Variants in PCNX3 observed in about 807,000 individuals in gnomAD.
PCNX3 encodes pecanex 3, also known as pecanex-like protein 3.
A neutral mutation model predicts 207.2 loss-of-function variants in PCNX3; 58 were observed. That is an observed-to-expected ratio of 0.28 (90% CI 0.23 to 0.35). PCNX3 has a LOEUF of 0.35. Among genes scored for constraint, PCNX3 ranks in the 10% least tolerant of loss-of-function variants. The pLI, the probability that PCNX3 is intolerant of heterozygous loss-of-function variation, is 1.00. For synonymous variants in PCNX3, 1,337 were observed against 1,183.5 expected (o/e 1.13, Z -2.66); for missense variants, 2,410 against 2,774.4 (o/e 0.87, Z 2.95).
chr11:65,620,314 C>A, intron 8 of PCNX3, 25 bp from the exon 9 acceptor site: 1 of 1,600,930 alleles, frequency 6.2e-7, no homozygotes, highest in Non-Finnish European at 8.5e-7. Context: ...TGCCACGCTG[C>A]CTCATCTCCC....
chr11:65,617,089 C>G, intron 2 of PCNX3, 78 bp downstream of exon 2: 1 of 1,457,234 alleles, frequency 6.9e-7, no homozygotes, highest in Non-Finnish European at 9.3e-7. Flanking sequence ...GGAGTAGGGG[C>G]TTAGGGAACA....
At chr11:65,627,662 T>G in intron 22 of PCNX3, 80 bp downstream of exon 22, 1 of 1,520,946 alleles carries the variant, frequency 6.6e-7, no homozygotes, top group Non-Finnish European at 9.0e-7. Context: ...GAAGAGAATT[T>G]CCTGAGGGCC....
chr11:65,635,023 G>C lies in PCNX3; in HGVS notation c.4856G>C (p.Arg1619Pro). The change falls in exon 30 of 35, where the codon CGC becomes CCC. Residue 1619 changes from arginine (R) to proline (P), a missense_variant. Coordinates refer to ENST00000355703, the MANE Select transcript of PCNX3 (RefSeq NM_032223.4). The surrounding 1 kb of genome is among the most constrained non-coding windows in gnomAD (Gnocchi z 9.9). ...GLHALFKGDF[R>P]ITSPRDEWVF... ...CACGCCCTGTTCAAGGGGGATTTTCGCATCACCTCCCCACGTGACGAGTGG... is the reference window on the plus strand; with the variant it reads ...CACGCCCTGTTCAAGGGGGATTTTCCCATCACCTCCCCACGTGACGAGTGG... 1 of 1,613,782 alleles carries C rather than the reference G, an allele frequency of 6.2e-7. No individual in the cohort carries two copies. Among genetic ancestry groups the C allele is most frequent in the Non-Finnish European group, 8.5e-7 (1 of 1,179,848 alleles).
At chr11:65,616,495 C>T (rs749049908) in intron 1 of PCNX3, 31 bp downstream of exon 1, 2 of 1,584,112 alleles carry the variant, frequency 1.3e-6, no homozygotes, top group Non-Finnish European at 8.6e-7. Context: ...GTAACTCCAG[C>T]CGGGAGAGGG....
At position 65,617,222 on chromosome 11, in the gene PCNX3, C is replaced by T. The variant is rs368418431; in HGVS notation, c.342-28C>T. The stretch of plus-strand genomic sequence containing the variant: ...AGCATACACAGAGGAGAGGTTAGCT[C>T]AAAGCTGCTGCTCTTTTTCACCGCC... On this transcript the variant is annotated intron_variant, in intron 2 of 34. Coordinates refer to ENST00000355703, the MANE Select transcript of PCNX3 (RefSeq NM_032223.4). 454 of 1,572,310 alleles carry T rather than the reference C, an allele frequency of 2.9e-4. 6 individuals are homozygous for T. The highest frequency in any genetic ancestry group is 2.1e-3 in the Middle Eastern group (11 of 5,290).
At position 65,618,934 on chromosome 11, in the gene PCNX3, G is replaced by T. The variant is rs767423997; in HGVS notation, c.1572G>T (p.Glu524Asp). Residue 524 changes from glutamate (E) to aspartate (D), a missense_variant, in exon 6 of 35, where the codon GAG becomes GAT. By Grantham distance (45) the Glu-to-Asp change is conservative. Transcript: ENST00000355703. ...CCCCACTGGCTGGCTGCAAGGCAGA[G>T]CTGGAGGCCCAGGTTGGGGTGGAGC... ...LRPPLAGCKA[E>D]LEAQVGVEQA... The T allele has an allele frequency of 6.2e-7, 1 of 1,606,920 alleles. No homozygotes were observed. Among genetic ancestry groups the T allele is most frequent in the South Asian group, 1.1e-5 (1 of 90,310 alleles).
At chr11:65,617,729 A>T (rs370244649) in intron 5 of PCNX3, 23 bp downstream of exon 5, 2 of 1,551,024 alleles carry the variant, frequency 1.3e-6, no homozygotes, top group Non-Finnish European at 1.7e-6. Context: ...TATGGGGCCG[A>T]GGCTTGTGGG....
chr11:65,624,864 C>A, intron 15 of PCNX3, 61 bp from the exon 16 acceptor site: 2 of 1,500,684 alleles, frequency 1.3e-6, no homozygotes, highest in Non-Finnish European at 9.1e-7. Context: ...GGAAGCGCGG[C>A]TAGGGTTGAG....
chr11:65,634,694 C>T lies in PCNX3; in HGVS notation c.4805+53C>T, dbSNP rs997566476. 4 of 1,467,544 alleles carry T rather than the reference C, an allele frequency of 2.7e-6. No individual in the cohort carries two copies. In the African/African-American group the frequency reaches 4.2e-5, roughly 15 times the overall value. The allele number at this position is 1,467,544 out of a possible 1,614,324, so 90.9% of individuals were successfully genotyped here. A position where few individuals can be genotyped will look rare whatever the true frequency, so the allele number is the denominator to read the frequency against. On this transcript the variant is annotated intron_variant, in intron 29 of 34. Transcript: ENST00000355703. ...TACTGCCGTCCCCACCCCACCTCTT[C>T]CACGAAGAGCACTGTGGTCTCTGGC...
Position 65,623,647 on chromosome 11 carries a change from C to G in PCNX3, c.2511+3C>G, listed in dbSNP as rs759540053. The stretch of plus-strand genomic sequence containing the variant: ...CCTGCCAGTACTCCTTGCTGAAGGT[C>G]AGGCCGGGCTCTCTGTGTTTCCTTC... On this transcript the variant is annotated splice_donor_region_variant and intron_variant, in intron 12 of 34. Transcript: ENST00000355703. 2.0e-5 allele frequency: 33 copies of G among 1,611,936 alleles called. No homozygotes were observed. The South Asian group carries it at 3.2e-4, about 16-fold the overall frequency.
Position 65,625,060 on chromosome 11 carries a change from G to T in PCNX3, c.2919+44G>T, listed in dbSNP as rs1163902253. 1 of 1,588,612 alleles carries T rather than the reference G, an allele frequency of 6.3e-7. No individual in the cohort carries two copies. Among genetic ancestry groups the T allele is most frequent in the Admixed American group, 1.7e-5 (1 of 58,096 alleles). ...GTGGGGGCATGCTGCAGTGCGTAAGGGTGGTTGGGGCGGGGCTGTGAACTG... is the reference window on the plus strand; with the variant it reads ...GTGGGGGCATGCTGCAGTGCGTAAGTGTGGTTGGGGCGGGGCTGTGAACTG... On this transcript the variant is annotated intron_variant, in intron 16 of 34. Coordinates refer to ENST00000355703, the MANE Select transcript of PCNX3 (RefSeq NM_032223.4). This position sits in a 1 kb window ranked among gnomAD's most constrained non-coding sequence, Gnocchi z 5.6.
At chr11:65,627,604 A>G in intron 22 of PCNX3, 22 bp downstream of exon 22, 1 of 1,612,448 alleles carries the variant, frequency 6.2e-7, no homozygotes, top group Non-Finnish European at 8.5e-7. Context: ...GCTGTGGCCC[A>G]GACCCCAGGC....
At position 65,617,542 on chromosome 11, in the gene PCNX3, T is replaced by C. The variant is rs566840701; in HGVS notation, c.481+33T>C. ...GCTGCTCTTCAGGGTTGGAGCATAG[T>C]GCTGTGGAACAGGGGCTGGCGTGCT... On this transcript the variant is annotated intron_variant, in intron 4 of 34. Coordinates refer to ENST00000355703, the MANE Select transcript of PCNX3 (RefSeq NM_032223.4). 20 of 1,613,878 alleles carry C rather than the reference T, an allele frequency of 1.2e-5. No homozygotes were observed. The South Asian group carries it at 1.9e-4, about 15-fold the overall frequency.
In PCNX3 at chr11:65,628,832, G is replaced by A. The variant is rs750164601; in HGVS notation, c.3825G>A (p.Leu1275=). Residue 1275 remains leucine, a synonymous_variant, in exon 24 of 35, where the codon CTG becomes CTA. Transcript: ENST00000355703. ...QPFAVPHSAM[L]FVQALLSGLF... The stretch of plus-strand genomic sequence containing the variant: ...ACTGTGGCTCAGACTCGGCCATGCT[G>A]TTCGTCCAGGCCCTGCTCTCGGGGC... The A allele has an allele frequency of 3.7e-6, 6 of 1,611,882 alleles. No homozygotes were observed. The highest frequency in any genetic ancestry group is 5.1e-6 in the Non-Finnish European group (6 of 1,179,812).
chr11:65,635,211 C>G lies in PCNX3; in HGVS notation c.4954-7C>G. 6.3e-7 allele frequency: 1 copy of G among 1,590,400 alleles called. No individual in the cohort carries two copies. The highest frequency in any genetic ancestry group is 8.6e-7 in the Non-Finnish European group (1 of 1,168,036). On this transcript the variant is annotated splice_polypyrimidine_tract_variant and splice_region_variant and intron_variant, in intron 30 of 34. Transcript: ENST00000355703. This position sits in a 1 kb window ranked among gnomAD's most constrained non-coding sequence, Gnocchi z 9.9. ...CCACTGACCCCTGTTCCCGTCTTCTCTACCAGGACCACTTCACGTCCCCAG... is the reference window on the plus strand; with the variant it reads ...CCACTGACCCCTGTTCCCGTCTTCTGTACCAGGACCACTTCACGTCCCCAG...
Position 65,618,771 on chromosome 11 carries a change from C to T in PCNX3, c.1409C>T (p.Ala470Val), listed in dbSNP as rs773345635. 3.1e-6 allele frequency: 5 copies of T among 1,610,928 alleles called. No individual in the cohort carries two copies. The highest frequency in any genetic ancestry group is 2.7e-5 in the African/African-American group (2 of 74,890). Residue 470 changes from alanine to valine, a missense_variant, in exon 6 of 35, where the codon GCC (alanine) becomes GTC (valine). Physicochemically the swap from Ala to Val is moderately conservative, Grantham distance 64. Around this residue, in one of 8 missense-constraint regions of PCNX3, gnomAD observed 1,104 missense variants for 970.3 expected, o/e 1.14. Coordinates refer to ENST00000355703, the MANE Select transcript of PCNX3 (RefSeq NM_032223.4). Reference protein sequence around the residue: ...GAAGGPRKRRAPHGAEEGTAV... With the variant: ...GAAGGPRKRRVPHGAEEGTAV... ...GCAGGGGGACCCCGGAAGCGGAGGG[C>T]CCCCCATGGGGCTGAGGAGGGAACT...
In PCNX3 at chr11:65,617,991, C is replaced by A; in HGVS notation, c.629C>A (p.Ala210Asp). 3 of 1,611,330 alleles carry A rather than the reference C, an allele frequency of 1.9e-6. No individual in the cohort carries two copies. Among genetic ancestry groups the A allele is most frequent in the Non-Finnish European group, 2.5e-6 (3 of 1,179,182 alleles). ...GGGGCTGTCCCAGACCCCTCTCTTG[C>A]CAGTACAGACTCTTCAGAGCCTTCT... ...PPGAVPDPSLASTDSSEPSPL... is the reference protein window; with the variant it reads ...PPGAVPDPSLDSTDSSEPSPL... Residue 210 changes from alanine (A) to aspartate (D), a missense_variant, in exon 6 of 35, where the codon GCC (alanine) becomes GAC (aspartate). This residue lies in a region of PCNX3 where 1,104 missense variants were observed against 970.3 expected (regional missense o/e 1.14). Coordinates refer to ENST00000355703, the MANE Select transcript of PCNX3 (RefSeq NM_032223.4).
chr11:65,619,901 G>A lies in PCNX3; in HGVS notation c.1977G>A (p.Glu659=), dbSNP rs768773108. Residue 659 remains glutamate (E), a synonymous_variant, in exon 8 of 35, where the codon GAG becomes GAA. Transcript: ENST00000355703. ...HEACTFDDTS[E]GAVHYFYDES... ...CCTGCACCTTTGATGACACTTCTGA[G>A]GGTGCTGTGCACTATTTCTACGATG... 5 of 1,611,658 alleles carry A rather than the reference G, an allele frequency of 3.1e-6. No individual in the cohort carries two copies. Among genetic ancestry groups the A allele is most frequent in the Non-Finnish European group, 4.2e-6 (5 of 1,179,254 alleles).
chr11:65,622,867 G>T (rs770227085), intron 11 of PCNX3, among the ~76,000 whole-genome samples: 2 of 152,128 alleles, frequency 1.3e-5, no homozygotes, highest in African/African-American at 2.4e-5. Context: ...CTCCCAAAGT[G>T]CTGGGATTAC....
Sources: gnomAD v4.1 joint callset for allele counts (sites outside exome capture counted in the v4.1 genomes callset) on GRCh38, gnomAD v4.1.1 for gene constraint, gnomAD v4.1.1 regional missense constraint, Gnocchi (gnomAD v3.1) non-coding constraint, MANE v1.5 for transcripts, NCBI Gene and HGNC (gene_info 2026-07-23, HGNC 2026-07-21) for gene names.